Variants in TNNI1 observed in about 807,000 individuals in gnomAD.
TNNI1 encodes the protein troponin I1, slow skeletal type.
In TNNI1, 14 loss-of-function variants were observed where a neutral mutation model predicts 26.7. The ratio of observed to expected loss-of-function variants is 0.52; its 90% CI spans 0.35 to 0.82. The LOEUF is 0.82. TNNI1 is among the 40% of genes least tolerant of loss of function. TNNI1 has a pLI of 0.01. For synonymous variants in TNNI1, 79 were observed against 98.2 expected (o/e 0.80, Z 1.16); for missense variants, 164 against 257.0 (o/e 0.64, Z 2.47).
chr1:201,403,953 G>A lies in TNNI1; in HGVS notation c.*5300C>T, dbSNP rs567374414. On this transcript the variant is annotated 3_prime_UTR_variant, in exon 9 of 9. Coordinates refer to ENST00000361379, the MANE Select transcript of TNNI1 (RefSeq NM_003281.4). ...CTTCAAAAGTATGTGCCATATCCTAGTTCTTAAAATGAGTGGTTGGCAGAT... is the reference window on the plus strand; with the variant it reads ...CTTCAAAAGTATGTGCCATATCCTAATTCTTAAAATGAGTGGTTGGCAGAT... 6.6e-6 allele frequency: 1 copy of A among 152,294 alleles called. No homozygotes were observed. Among genetic ancestry groups the A allele is most frequent in the South Asian group, 2.1e-4 (1 of 4,826 alleles). The allele number at this position is 152,294 out of a possible 1,614,324, so 9.4% of individuals were successfully genotyped here.
At chr1:201,416,187 G>T (rs568776892) in intron 3 of TNNI1, among the ~76,000 whole-genome samples, 1 of 152,156 alleles carries the variant, frequency 6.6e-6, no homozygotes, top group Non-Finnish European at 1.5e-5. Context: ...TGTTCAGAGT[G>T]GTTGGTTTGT....
rs1662466121 is a variant in TNNI1, at chr1:201,403,829, A to G, written c.*5424T>C. ...TAGGAATTCATAAATACGTAGTAAC[A>G]TTATGAAGAGAACCAAGAGAATAAC... On this transcript the variant is annotated 3_prime_UTR_variant, in exon 9 of 9. Coordinates refer to ENST00000361379, the MANE Select transcript of TNNI1 (RefSeq NM_003281.4). The G allele has an allele frequency of 6.6e-6, 1 of 152,260 alleles. No homozygotes were observed. Among genetic ancestry groups the G allele is most frequent in the Non-Finnish European group, 1.5e-5 (1 of 68,050 alleles). The allele number at this position is 152,260 out of a possible 1,614,324, so 9.4% of individuals were successfully genotyped here.
intron 1 of TNNI1, among the ~76,000 whole-genome samples, chr1:201,420,629 C>A (rs935388379): frequency 6.6e-6 from 1 of 152,062 alleles, no homozygotes; most frequent in African/African-American, 2.4e-5. Flanking sequence ...GAACTGATCT[C>A]TTTGCACACC....
chr1:201,413,067 C>T lies in TNNI1; in HGVS notation c.244G>A (p.Asp82Asn), dbSNP rs1189773154. Residue 82 changes from aspartate (D) to asparagine (N), a missense_variant, in exon 6 of 9, where the codon GAC becomes AAC. Physicochemically the swap from Asp to Asn is conservative, Grantham distance 23. Transcript: ENST00000361379. ...KVEVVDEERY[D>N]IEAKCLHNTR... is the part of the protein sequence containing the mutation. Reference sequence around the variant, plus strand: ...TTGTGGAGGCATTTGGCCTCAATGTCGTATCGCTCCTCATCCACCACCTCC... The same window carrying T: ...TTGTGGAGGCATTTGGCCTCAATGTTGTATCGCTCCTCATCCACCACCTCC... 4.3e-6 allele frequency: 7 copies of T among 1,614,010 alleles called. No homozygotes were observed. Among genetic ancestry groups the T allele is most frequent in the Non-Finnish European group, 1.7e-6 (2 of 1,179,998 alleles).
Position 201,417,081 on chromosome 1 carries a change from TTAACCAAGACAGAGA to T in TNNI1, c.15+20_15+34del. 6.2e-7 allele frequency: 1 copy of T among 1,613,970 alleles called. No individual in the cohort carries two copies. Among genetic ancestry groups the T allele is most frequent in the East Asian group, 2.2e-5 (1 of 44,886 alleles). ...TTCCCACTTTTACCAGTCGTTAGAG[TTAACCAAGACAGAGA>T]TACCCCAAATATCACTTACCTCGCT... On this transcript the variant is annotated intron_variant, in intron 3 of 8. Coordinates refer to ENST00000361379, the MANE Select transcript of TNNI1 (RefSeq NM_003281.4).
intron 8 of TNNI1, chr1:201,409,749 T>C (rs1371636254): frequency 6.6e-6 from 1 of 152,366 alleles, no homozygotes; most frequent in Non-Finnish European, 1.5e-5. Flanking sequence ...AGCTATTTCC[T>C]CAGATGGTGG....
rs1199966115 is a variant in TNNI1 at position 201,409,092 on chromosome 1, A to T, written c.*161T>A. 6.6e-6 allele frequency: 1 copy of T among 152,136 alleles called. No homozygotes were observed. Among genetic ancestry groups the T allele is most frequent in the Non-Finnish European group, 1.5e-5 (1 of 68,044 alleles). The allele number at this position is 152,136 out of a possible 1,614,324, so 9.4% of individuals were successfully genotyped here. A position where few individuals can be genotyped will look rare whatever the true frequency, so the allele number is the denominator to read the frequency against. The stretch of plus-strand genomic sequence containing the variant: ...CTCGCGTTTTTCCTGCCTCTTGGGT[A>T]TCTGTTTAATCCCAGTTCCAGAGGA... On this transcript the variant is annotated 3_prime_UTR_variant, in exon 9 of 9. Coordinates refer to ENST00000361379, the MANE Select transcript of TNNI1 (RefSeq NM_003281.4).
Position 201,406,530 on chromosome 1 carries a change from A to G in TNNI1, c.*2723T>C, listed in dbSNP as rs1256945. On this transcript the variant is annotated 3_prime_UTR_variant, in exon 9 of 9. Transcript: ENST00000361379. ...CCTAGGGTTGTTGTGAAAGTTAAAT[A>G]AATTAAGGTGTACATGCTGGTGCCT... 73,759 of 152,026 alleles carry G rather than the reference A, an allele frequency of 0.49. 18,873 individuals are homozygous for G. The highest frequency in any genetic ancestry group is 0.66 in the African/African-American group (27,386 of 41,430). 9.4% of individuals were successfully genotyped at this position (152,026 alleles called of 1,614,324 possible).
In TNNI1 at chr1:201,411,160, G is replaced by A. The variant is rs1662627897; in HGVS notation, c.456+197C>T. 6.6e-6 allele frequency among the ~76,000 whole-genome samples: 1 copy of A among 152,170 alleles called. No homozygotes were observed. The highest frequency in any genetic ancestry group is 2.4e-5 in the African/African-American group (1 of 41,420). ...TGTCCTAGTTTCTTCGTCAGACTGG[G>A]AACAGCCTGAAGGAAGGGAGCAAAT... On this transcript the variant is annotated intron_variant, in intron 7 of 8. Transcript: ENST00000361379. The surrounding 1 kb of genome is among the most constrained non-coding windows in gnomAD (Gnocchi z 4.6).
chr1:201,418,360 C>T (rs1010645472), intron 1 of TNNI1, among the ~76,000 whole-genome samples: 1 of 151,058 alleles, frequency 6.6e-6, no homozygotes, highest in African/African-American at 2.4e-5. Flanking sequence ...CCCAGCTACT[C>T]AGGAGGCTGA....
At chr1:201,417,859 G>C in intron 1 of TNNI1, 47 bp from the exon 2 acceptor site, 2 of 1,297,968 alleles carry the variant, frequency 1.5e-6, no homozygotes, top group Non-Finnish European at 2.0e-6. Flanking sequence ...GGAAACCCCT[G>C]CCCCTGCCCA....
chr1:201,420,674 A>G (rs1662841302), intron 1 of TNNI1, among the ~76,000 whole-genome samples: 1 of 152,170 alleles, frequency 6.6e-6, no homozygotes, highest in African/African-American at 2.4e-5. Context: ...AGTTAGGCTC[A>G]TGTGCTTCCC....
rs749571600 is a variant in TNNI1 at position 201,411,471 on chromosome 1, A to T, written c.342T>A (p.Arg114=). 4 of 1,613,162 alleles carry T rather than the reference A, an allele frequency of 2.5e-6. No homozygotes were observed. Among genetic ancestry groups the T allele is most frequent in the Non-Finnish European group, 3.4e-6 (4 of 1,179,638 alleles). The stretch of plus-strand genomic sequence containing the variant: ...TGGCGTCAGCCGAGACACGGACTCG[A>T]CGCAGGGGCGGGCGCTTGAACTTCC... ...LRGKFKRPPL[R]RVRVSADAML... Residue 114 remains arginine (R), a synonymous_variant, in exon 7 of 9, where the codon CGT becomes CGA. Coordinates refer to ENST00000361379, the MANE Select transcript of TNNI1 (RefSeq NM_003281.4). This position sits in a 1 kb window ranked among gnomAD's most constrained non-coding sequence, Gnocchi z 4.6.
chr1:201,419,821 G>A (rs141526874), intron 1 of TNNI1, among the ~76,000 whole-genome samples: 1 of 152,326 alleles, frequency 6.6e-6, no homozygotes, highest in Non-Finnish European at 1.5e-5. Context: ...TGTGACCCCA[G>A]AGTCTCAGCT....
chr1:201,421,231 C>G (rs746338314), intron 1 of TNNI1, among the ~76,000 whole-genome samples: 9 of 152,146 alleles, frequency 5.9e-5, no homozygotes, highest in Non-Finnish European at 1.0e-4. Flanking sequence ...GGGAGTCCTG[C>G]GCGTCAGGCA....
chr1:201,413,212 C>A lies in TNNI1; in HGVS notation c.190-91G>T, dbSNP rs1386428296. The A allele has an allele frequency of 7.7e-6, 11 of 1,426,844 alleles. No individual in the cohort carries two copies. In the East Asian group the frequency reaches 2.1e-4, roughly 27 times the overall value. The allele number at this position is 1,426,844 out of a possible 1,614,324, so 88.4% of individuals were successfully genotyped here. On this transcript the variant is annotated intron_variant, in intron 5 of 8. Transcript: ENST00000361379. Reference sequence around the variant, plus strand: ...CTTGACCCTCTCCCCAGCCCCTTTGCAAGACCTGGGATCCAGAGAGGAGCT... The same window carrying A: ...CTTGACCCTCTCCCCAGCCCCTTTGAAAGACCTGGGATCCAGAGAGGAGCT...
rs376760455 is a variant in TNNI1, at chr1:201,414,271, T to C, written c.189+247A>G. On this transcript the variant is annotated intron_variant, in intron 5 of 8. Coordinates refer to ENST00000361379, the MANE Select transcript of TNNI1 (RefSeq NM_003281.4). ...CCACCACACTGGCTGATTGTGAAGC[T>C]GGGCCGCCCAGCCCAGGCAAGTCAC... 4.6e-5 allele frequency among the ~76,000 whole-genome samples: 7 copies of C among 152,336 alleles called. No homozygotes were observed. In the East Asian group the frequency reaches 9.6e-4, roughly 21 times the overall value.
intron 1 of TNNI1, among the ~76,000 whole-genome samples, chr1:201,421,078 C>T (rs1047222659): frequency 1.3e-5 from 2 of 152,148 alleles, no homozygotes; most frequent in African/African-American, 4.8e-5. Context: ...GAGGGGTTGC[C>T]GGTCTGCCCT....
intron 5 of TNNI1, 77 bp from the exon 6 acceptor site, chr1:201,413,198 C>G (rs1662668323): frequency 6.6e-7 from 1 of 1,525,906 alleles, no homozygotes. Context: ...TTGACCCTCT[C>G]CCCAGCCCCT....
Sources: allele counts gnomAD v4.1 joint callset (sites outside exome capture counted in the v4.1 genomes callset), GRCh38; gene constraint gnomAD v4.1.1; non-coding constraint Gnocchi (gnomAD v3.1); transcripts MANE v1.5; gene names NCBI Gene and HGNC (gene_info 2026-07-23, HGNC 2026-07-21).